The following GMEB1 variants were observed in gnomAD, a reference collection of about 807,000 sequenced individuals.
The protein encoded by GMEB1 is glucocorticoid modulatory element binding protein 1.
GMEB1 carries 6 observed loss-of-function variants against 52.4 expected under a neutral mutation model. That is an observed-to-expected ratio of 0.11 (90% CI 0.06 to 0.23). GMEB1 has a LOEUF of 0.23. Ranked by LOEUF, GMEB1 falls within the 10% of genes least tolerant of loss-of-function variation. GMEB1 has a pLI of 1.00. For synonymous variants in GMEB1, 255 were observed against 244.9 expected (o/e 1.04, Z -0.38); for missense variants, 486 against 685.6 (o/e 0.71, Z 3.25).
At chr1:28,679,389 G>C (rs1016832369) in intron 1 of GMEB1, among the ~76,000 whole-genome samples, 3 of 152,144 alleles carry the variant, frequency 2.0e-5, no homozygotes, top group Non-Finnish European at 4.4e-5. Flanking sequence ...TGCTGGCCAA[G>C]GTGGTCTCGA....
chr1:28,703,609 G>C (rs913631946), intron 7 of GMEB1, among the ~76,000 whole-genome samples: 2 of 151,880 alleles, frequency 1.3e-5, no homozygotes, highest in East Asian at 3.9e-4. Flanking sequence ...GCAGTGAGCT[G>C]ATATCACGCC....
At chr1:28,712,536 T>G (rs971556346) in intron 9 of GMEB1, among the ~76,000 whole-genome samples, 1 of 152,088 alleles carries the variant, frequency 6.6e-6, no homozygotes, top group Non-Finnish European at 1.5e-5. Context: ...ATAAAGACAT[T>G]TATGCCGGGC....
intron 8 of GMEB1, among the ~76,000 whole-genome samples, chr1:28,704,911 A>C (rs983066256): frequency 1.3e-5 from 2 of 151,698 alleles, no homozygotes; most frequent in African/African-American, 4.8e-5. Context: ...CCCAGCCTAC[A>C]AAAAACTTTC....
At chr1:28,694,573 A>T (rs1263500316) in intron 5 of GMEB1, among the ~76,000 whole-genome samples, 1 of 151,574 alleles carries the variant, frequency 6.6e-6, no homozygotes, top group Non-Finnish European at 1.5e-5. Context: ...TGGCATGATC[A>T]GCCTCAATCT....
chr1:28,687,826 C>G (rs1023434441), intron 2 of GMEB1, among the ~76,000 whole-genome samples: 1 of 151,410 alleles, frequency 6.6e-6, no homozygotes, highest in Non-Finnish European at 1.5e-5. Context: ...GGAAATGAAA[C>G]AAATCTAGTA....
chr1:28,710,369 A>G, intron 8 of GMEB1, 151 bp from the exon 9 acceptor site: 1 of 443,410 alleles, frequency 2.3e-6, no homozygotes, highest in East Asian at 3.7e-5. Flanking sequence ...AGTAGTCATT[A>G]TACATGTAAT....
intron 8 of GMEB1, among the ~76,000 whole-genome samples, chr1:28,705,445 CTTTTTTTT>C (rs34597945): frequency 8.1e-6 from 1 of 123,088 alleles, no homozygotes; most frequent in Non-Finnish European, 1.7e-5. Context: ...TATGTATTTT[CTTTTTTTT>C]TTTTTTTTTT....
intron 1 of GMEB1, among the ~76,000 whole-genome samples, chr1:28,682,619 CAAAAA>C (rs59900537): frequency 1.9e-5 from 1 of 53,644 alleles, no homozygotes; most frequent in Non-Finnish European, 4.1e-5. Context: ...GACCCTGTCT[CAAAAA>C]AAAAAAAAAA....
At position 28,701,415 on chromosome 1, in the gene GMEB1, A is replaced by G. The variant is rs1018333149; in HGVS notation, c.599-1023A>G. Among the ~76,000 whole-genome samples, 556 of 150,542 alleles carry G rather than the reference A, an allele frequency of 3.7e-3. 7 individuals are homozygous for G. Among genetic ancestry groups the G allele is most frequent in the African/African-American group, 0.013 (532 of 40,998 alleles). On this transcript the variant is annotated intron_variant, in intron 6 of 9. Coordinates refer to ENST00000373816, the MANE Select transcript of GMEB1 (RefSeq NM_001319674.2). ...CTCCTGAGTAGCTGGGACTACAGGC[A>G]CCCGCCAGCACACCCGGCTAATTTT... is the stretch of plus-strand genomic sequence containing the variant.
At chr1:28,681,714 T>A (rs1233092328) in intron 1 of GMEB1, among the ~76,000 whole-genome samples, 1 of 152,094 alleles carries the variant, frequency 6.6e-6, no homozygotes, top group African/African-American at 2.4e-5. Context: ...CACTTTTTTT[T>A]TCTTTGAGAC....
intron 1 of GMEB1, among the ~76,000 whole-genome samples, chr1:28,679,603 A>G (rs1669304552): frequency 6.6e-6 from 1 of 152,092 alleles, no homozygotes; most frequent in South Asian, 2.1e-4. Flanking sequence ...GTTTCTCAAG[A>G]GCAGGTATTG....
At chr1:28,691,804 T>TTTTATTTATTTA (rs61127323) in intron 4 of GMEB1, 95 bp downstream of exon 4, 76 of 238,740 alleles carry the variant, frequency 3.2e-4, no homozygotes, top group Middle Eastern at 6.7e-4. Context: ...ACTATATCAG[T>TTTTATTTATTTA]TTTATTTATT....
At chr1:28,705,837 G>A (rs1463339955) in intron 8 of GMEB1, among the ~76,000 whole-genome samples, 1 of 151,526 alleles carries the variant, frequency 6.6e-6, no homozygotes, top group African/African-American at 2.4e-5. Flanking sequence ...CTGAAAATTG[G>A]AGAAATCCAC....
intron 1 of GMEB1, among the ~76,000 whole-genome samples, chr1:28,677,635 A>T (rs998747381): frequency 1.3e-5 from 2 of 152,212 alleles, no homozygotes; most frequent in African/African-American, 4.8e-5. Flanking sequence ...AGCTCAATAA[A>T]GGTTAGCTGA....
intron 2 of GMEB1, among the ~76,000 whole-genome samples, chr1:28,686,901 A>T (rs1669672390): frequency 6.6e-6 from 1 of 152,132 alleles, no homozygotes; most frequent in South Asian, 2.1e-4. Flanking sequence ...GCTCAAGGGG[A>T]GACAGACAGA....
At chr1:28,707,745 G>C (rs1424222124) in intron 8 of GMEB1, among the ~76,000 whole-genome samples, 1 of 152,100 alleles carries the variant, frequency 6.6e-6, no homozygotes, top group Admixed American at 6.6e-5. Context: ...GTATGAATGT[G>C]GAATACAGGA....
At chr1:28,671,844 C>T (rs748972044) in intron 1 of GMEB1, among the ~76,000 whole-genome samples, 35 of 151,936 alleles carry the variant, frequency 2.3e-4, no homozygotes, top group Non-Finnish European at 4.7e-4. Context: ...GGGCTGGGCG[C>T]GGTAGCTCAC....
Position 28,710,601 on chromosome 1 carries a change from A to G in GMEB1, c.950A>G (p.Gln317Arg). ...VKKVLDNRRNQVEQGEEQFLY... is the reference protein window; with the variant it reads ...VKKVLDNRRNRVEQGEEQFLY... ...AAGGTTTTAGACAACAGAAGGAACC[A>G]AGTAGAGCAGGGAGAAGAACAGTTT... Residue 317 changes from glutamine to arginine, a missense_variant, in exon 9 of 10, where the codon CAA becomes CGA. Gln to Arg is a conservative substitution (Grantham distance 43). Transcript: ENST00000373816. 1 of 1,609,110 alleles carries G rather than the reference A, an allele frequency of 6.2e-7. No homozygotes were observed. The highest frequency in any genetic ancestry group is 8.5e-7 in the Non-Finnish European group (1 of 1,177,218).
chr1:28,678,472 G>A (rs184624997), intron 1 of GMEB1, among the ~76,000 whole-genome samples: 1 of 152,048 alleles, frequency 6.6e-6, no homozygotes, highest in African/African-American at 2.4e-5. Context: ...ATCGCGCCTG[G>A]CTAATTTTTT....
Sources: gnomAD v4.1 joint callset for allele counts (sites outside exome capture counted in the v4.1 genomes callset) on GRCh38, gnomAD v4.1.1 for gene constraint, MANE v1.5 for transcripts, NCBI Gene and HGNC (gene_info 2026-07-23, HGNC 2026-07-21) for gene names.